The following MOK variants were observed in gnomAD, a reference collection of about 807,000 sequenced individuals.
MOK encodes MAPK/MAK/MRK overlapping kinase.
A neutral mutation model predicts 54.2 loss-of-function variants in MOK; 59 were observed. The observed-to-expected ratio is 1.09, with a 90% CI of 0.88 to 1.35. The LOEUF is 1.35. Ranked by LOEUF, MOK falls within the 40% of genes most tolerant of loss-of-function variation. The pLI, the probability that MOK is intolerant of heterozygous loss-of-function variation, is 0.00. For missense variants in MOK, 517 were observed against 526.2 expected (o/e 0.98, Z 0.17); for synonymous variants, 210 against 202.7 (o/e 1.04, Z -0.31).
chr14:102,218,009 A>G, the MOK span, among the ~76,000 whole-genome samples: 1 of 152,166 alleles, frequency 6.6e-6, no homozygotes, highest in Non-Finnish European at 1.5e-5. Context: ...ACGCCAGTGG[A>G]GGTGACCTCC....
intron 10 of MOK, 65 bp from the exon 11 acceptor site, chr14:102,229,722 C>T (rs998793211): frequency 2.9e-6 from 4 of 1,394,868 alleles, no homozygotes; most frequent in Middle Eastern, 3.8e-4. Context: ...TTAGGAAAAA[C>T]GAAAGAGGCT....
At chr14:102,282,897 A>T (rs1462582208) in intron 2 of MOK, among the ~76,000 whole-genome samples, 1 of 152,026 alleles carries the variant, frequency 6.6e-6, no homozygotes, top group Non-Finnish European at 1.5e-5. Context: ...TACTTAAAAA[A>T]AATAATAATT....
Position 102,259,952 on chromosome 14 carries a change from C to T in MOK, c.283+3594G>A, listed in dbSNP as rs577518378. Among the ~76,000 whole-genome samples the T allele has an allele frequency of 3.6e-4, 54 of 152,014 alleles. 1 individual carries two copies. Among genetic ancestry groups the T allele is most frequent in the Middle Eastern group, 3.4e-3 (1 of 294 alleles). On this transcript the variant is annotated intron_variant, in intron 4 of 11. Transcript: ENST00000361847. ...CAGCACTTTGGGAGGCCAAGGTGGG[C>T]GGATCACCTGAGGTCGGGAGTTCAA...
At chr14:102,222,788 TC>T (rs746901166), downstream of MOK, 3 of 1,613,164 alleles carry the variant, frequency 1.9e-6, no homozygotes, top group South Asian at 3.3e-5. The surrounding 1 kb of genome is among the most constrained non-coding windows in gnomAD (Gnocchi z 4.4). Context: ...CTGTTGCCCG[TC>T]CGGTGTTTTG....
chr14:102,233,437 C>T, intron 8 of MOK: 1 of 468,790 alleles, frequency 2.1e-6, no homozygotes. Flanking sequence ...CACAGCCTGA[C>T]TCCCCAGCCC....
rs78802242 is a variant in MOK, at chr14:102,290,009, T to G, written c.8-6417A>C. Among the ~76,000 whole-genome samples the G allele has an allele frequency of 5.6e-3, 860 of 152,240 alleles. 17 individuals are homozygous for G. The highest frequency in any genetic ancestry group is 0.035 in the East Asian group (179 of 5,176). ...TTAGAACGAGACATCCTCTTCTGGT[T>G]TCTCAAAACAGGTCTCCACCCTATT... On this transcript the variant is annotated intron_variant, in intron 1 of 11. Transcript: ENST00000361847.
chr14:102,224,478 T>A (rs188822882), downstream of MOK: 940 of 412,648 alleles, frequency 2.3e-3, 5 homozygotes, highest in African/African-American at 9.4e-3. Context: ...TTTATTTTTT[T>A]AAAAAATCAT....
intron 4 of MOK, among the ~76,000 whole-genome samples, chr14:102,254,219 A>G (rs2066751839): frequency 6.6e-6 from 1 of 152,092 alleles, no homozygotes; most frequent in Non-Finnish European, 1.5e-5. Context: ...TGAACTCCTG[A>G]CCTCGAGATC....
In MOK at chr14:102,276,460, G is replaced by A. The variant is rs145185136; in HGVS notation, c.122+7018C>T. ...GCCGAGATAGCCAGCCTGGGTGATA[G>A]AGCGACACTCTGTCTCAAATAAATA... On this transcript the variant is annotated intron_variant, in intron 2 of 11. Transcript: ENST00000361847. Among the ~76,000 whole-genome samples the A allele has an allele frequency of 1.4e-3, 218 of 152,094 alleles. 1 individual carries two copies. The highest frequency in any genetic ancestry group is 5.1e-3 in the African/African-American group (213 of 41,474).
chr14:102,220,518 T>C (rs1453851329), downstream of MOK, among the ~76,000 whole-genome samples: 2 of 151,672 alleles, frequency 1.3e-5, no homozygotes, highest in Admixed American at 6.6e-5. This position sits in a 1 kb window ranked among gnomAD's most constrained non-coding sequence, Gnocchi z 4.2. Context: ...GGTCAGGAGG[T>C]CTTCAAGACC....
chr14:102,252,583 T>C (rs1018008078), intron 4 of MOK, among the ~76,000 whole-genome samples: 4 of 152,222 alleles, frequency 2.6e-5, no homozygotes, highest in South Asian at 2.1e-4. Flanking sequence ...TCCTCAACTA[T>C]GTATTAGTAG....
chr14:102,266,848 C>T (rs763605373), intron 2 of MOK, among the ~76,000 whole-genome samples: 1 of 152,176 alleles, frequency 6.6e-6, no homozygotes, highest in Non-Finnish European at 1.5e-5. Flanking sequence ...TCCCAAAGTG[C>T]GGGCATTACA....
intron 4 of MOK, among the ~76,000 whole-genome samples, chr14:102,252,263 T>C (rs2066592365): frequency 6.6e-6 from 1 of 152,024 alleles, no homozygotes; most frequent in Non-Finnish European, 1.5e-5. Flanking sequence ...GAGACCAGCC[T>C]GGCCAAAATG....
In MOK at chr14:102,232,488, T is replaced by C. The variant is rs200210061; in HGVS notation, c.866+47A>G. ...CCCCACCATGTGCCCATGGGTCTCA[T>C]TTGCCAGGTCCTGCATCTGCCCCAC... is the stretch of plus-strand genomic sequence containing the variant. On this transcript the variant is annotated intron_variant, in intron 9 of 11. Transcript: ENST00000361847. This position sits in a 1 kb window ranked among gnomAD's most constrained non-coding sequence, Gnocchi z 5.1. 4,456 of 1,574,966 alleles carry C rather than the reference T, an allele frequency of 2.8e-3. 9 individuals are homozygous for C. The highest frequency in any genetic ancestry group is 5.0e-3 in the Middle Eastern group (24 of 4,802).
chr14:102,302,876 G>GTGGGGTAT (rs2072394089), intron 1 of MOK, among the ~76,000 whole-genome samples: 2 of 151,550 alleles, frequency 1.3e-5, no homozygotes, highest in Middle Eastern at 3.4e-3. Flanking sequence ...GAGTCTAAGA[G>GTGGGGTAT]GAAGGCCAGG....
In MOK at chr14:102,285,082, C is replaced by CAA. The variant is rs34015643; in HGVS notation, c.8-1492_8-1491dup. On this transcript the variant is annotated intron_variant, in intron 1 of 11. Transcript: ENST00000361847. The stretch of plus-strand genomic sequence containing the variant: ...TGGGCTACAGAGTGAGATGTCATCT[C>CAA]AAAAAAAAAAAAAAAAAAGAAAATG... Among the ~76,000 whole-genome samples, 79 of 65,880 alleles carry CAA rather than the reference C, an allele frequency of 1.2e-3. 5 individuals are homozygous for CAA. Among genetic ancestry groups the CAA allele is most frequent in the Middle Eastern group, 0.02 (2 of 102 alleles). 43.2% of individuals were successfully genotyped at this position (65,880 alleles called of 152,430 possible). A position where few individuals can be genotyped will look rare whatever the true frequency, so the allele number is the denominator to read the frequency against.
At position 102,232,448 on chromosome 14, in the gene MOK, G is replaced by A. The variant is rs2064815287; in HGVS notation, c.866+87C>T. 1.4e-6 allele frequency: 2 copies of A among 1,438,012 alleles called. No individual in the cohort carries two copies. Among genetic ancestry groups the A allele is most frequent in the African/African-American group, 1.4e-5 (1 of 70,202 alleles). 89.1% of individuals were successfully genotyped at this position (1,438,012 alleles called of 1,614,324 possible). ...ATTCCCAAGAACCAGGGACCCTCCA[G>A]GGGGCAGTACCTTGCCCCACCATGT... On this transcript the variant is annotated intron_variant, in intron 9 of 11. Transcript: ENST00000361847. This position sits in a 1 kb window ranked among gnomAD's most constrained non-coding sequence, Gnocchi z 5.1.
At chr14:102,275,984 C>T (rs980315363) in intron 2 of MOK, among the ~76,000 whole-genome samples, 2 of 152,066 alleles carry the variant, frequency 1.3e-5, no homozygotes, top group Non-Finnish European at 2.9e-5. Context: ...AAAACTTGGA[C>T]AGGCAATTCA....
At chr14:102,258,287 G>C (rs2067129829) in intron 4 of MOK, among the ~76,000 whole-genome samples, 1 of 151,966 alleles carries the variant, frequency 6.6e-6, no homozygotes, top group South Asian at 2.1e-4. Flanking sequence ...TCCGTTTCCT[G>C]CAACTCTCCT....
Sources: gnomAD v4.1 joint callset for allele counts (sites outside exome capture counted in the v4.1 genomes callset) on GRCh38, gnomAD v4.1.1 for gene constraint, Gnocchi (gnomAD v3.1) non-coding constraint, MANE v1.5 for transcripts, NCBI Gene and HGNC (gene_info 2026-07-23, HGNC 2026-07-21) for gene names.